The following ATP6V1C1 variants were observed in gnomAD, a reference collection of about 807,000 sequenced individuals.
The protein encoded by ATP6V1C1 is V-type proton ATPase subunit C 1.
ATP6V1C1 carries 45 observed loss-of-function variants against 53.9 expected under a neutral mutation model. The observed-to-expected ratio is 0.83, with a 90% confidence interval of 0.66 to 1.07. ATP6V1C1 has a LOEUF of 1.07. ATP6V1C1 is among the 50% of genes least tolerant of loss of function. The probability of loss-of-function intolerance (pLI) is 0.00; values close to 1 mark genes in which losing one functional copy is unlikely to be tolerated. For synonymous variants in ATP6V1C1, 153 were observed against 155.2 expected, an observed-to-expected ratio of 0.99 and a Z score of 0.11; for missense variants, 315 against 440.3, an observed-to-expected ratio of 0.72 and a Z score of 2.55.
intron 11 of ATP6V1C1, among the ~76,000 whole-genome samples, chr8:103,065,689 A>G (rs1347278074): frequency 2.6e-5 from 4 of 152,252 alleles, no homozygotes; most frequent in African/African-American, 9.6e-5. Flanking sequence ...CTATTACCAT[A>G]AAAGTATCTG....
intron 1 of ATP6V1C1, among the ~76,000 whole-genome samples, chr8:103,031,232 A>G (rs1004326136): frequency 5.3e-5 from 8 of 152,244 alleles, no homozygotes; most frequent in African/African-American, 1.9e-4. Context: ...TTCACTGGTG[A>G]GAAGAATAAC....
intron 1 of ATP6V1C1, among the ~76,000 whole-genome samples, chr8:103,031,701 G>T (rs1006726665): frequency 6.6e-6 from 1 of 152,132 alleles, no homozygotes; most frequent in African/African-American, 2.4e-5. Context: ...ATCTGGGGAG[G>T]ACAGACATCC....
At position 103,024,143 on chromosome 8, in the gene ATP6V1C1, C is replaced by T. The variant is rs139843053; in HGVS notation, c.-40+2918C>T. Among the ~76,000 whole-genome samples the T allele has an allele frequency of 7.3e-3, 1,117 of 152,284 alleles. 19 individuals carry two copies. Among genetic ancestry groups the T allele is most frequent in the African/African-American group, 0.026 (1,072 of 41,544 alleles). On this transcript the variant is annotated intron_variant, in intron 1 of 12. Transcript: ENST00000518738. ...TCTCAAATTATGCTGAAGACTGAGC[C>T]TCAGGGTTCTGTCTCAGAAGTCCTG...
At chr8:103,031,203 A>G (rs1366210151) in intron 1 of ATP6V1C1, among the ~76,000 whole-genome samples, 1 of 152,242 alleles carries the variant, frequency 6.6e-6, no homozygotes, top group Non-Finnish European at 1.5e-5. Flanking sequence ...AAGCAGAAAA[A>G]TACATAAGAA....
chr8:103,066,479 T>C (rs768998198), intron 12 of ATP6V1C1, 32 bp downstream of exon 12: 5 of 1,505,276 alleles, frequency 3.3e-6, no homozygotes, highest in Admixed American at 4.8e-5. Context: ...AGAGTAAGAA[T>C]TGAAGTGAAT....
At chr8:103,049,726 C>T (rs2454047) in intron 4 of ATP6V1C1, among the ~76,000 whole-genome samples, 5,739 of 152,206 alleles carry the variant, frequency 0.038, 119 homozygotes, top group East Asian at 0.046. Flanking sequence ...CTCTTGAGTG[C>T]AGGAGTTCAA....
chr8:103,056,060 T>G (rs1233524479), intron 8 of ATP6V1C1, 124 bp downstream of exon 8: 1 of 828,236 alleles, frequency 1.2e-6, no homozygotes, highest in East Asian at 3.0e-5. Flanking sequence ...GTGAGTTCTA[T>G]GAACTCTAGT....
intron 7 of ATP6V1C1, among the ~76,000 whole-genome samples, chr8:103,055,203 G>A (rs1817268966): frequency 6.6e-6 from 1 of 151,928 alleles, no homozygotes; most frequent in South Asian, 2.1e-4. Flanking sequence ...TTAAAACTTG[G>A]GTTCAAAACC....
chr8:103,064,520 A>G (rs926128199), intron 10 of ATP6V1C1, 194 bp from the exon 11 acceptor site: 2 of 458,268 alleles, frequency 4.4e-6, no homozygotes, highest in African/African-American at 4.0e-5. Context: ...ATCTCTCTGT[A>G]GTGGCGAACC....
intron 4 of ATP6V1C1, among the ~76,000 whole-genome samples, chr8:103,050,208 G>A (rs555376766): frequency 2.4e-4 from 36 of 152,186 alleles, no homozygotes; most frequent in Non-Finnish European, 5.1e-4. Flanking sequence ...GAGAAACAAC[G>A]AAGGTATGTT....
At chr8:103,040,001 C>G (rs2131388234) in intron 1 of ATP6V1C1, among the ~76,000 whole-genome samples, 1 of 152,156 alleles carries the variant, frequency 6.6e-6, no homozygotes, top group South Asian at 2.1e-4. Context: ...TAGAATTAAC[C>G]ACCAAATTTA....
intron 1 of ATP6V1C1, among the ~76,000 whole-genome samples, chr8:103,022,732 G>C (rs1816620060): frequency 6.6e-6 from 1 of 152,108 alleles, no homozygotes; most frequent in Non-Finnish European, 1.5e-5. Flanking sequence ...AGACTGAAAA[G>C]GGAATGTGAA....
chr8:103,059,754 C>T (rs1394869595), intron 8 of ATP6V1C1, among the ~76,000 whole-genome samples: 2 of 151,826 alleles, frequency 1.3e-5, no homozygotes, highest in African/African-American at 4.8e-5. Flanking sequence ...TAGCTGGTCT[C>T]CTTTTCTCCT....
At chr8:103,042,482 T>C in intron 3 of ATP6V1C1, 75 bp downstream of exon 3, 1 of 1,420,642 alleles carries the variant, frequency 7.0e-7, no homozygotes. Flanking sequence ...CTGGGTTTAT[T>C]ATCACATGTA....
intron 4 of ATP6V1C1, 39 bp from the exon 5 acceptor site, chr8:103,051,010 AT>A (rs1817191230): frequency 7.2e-7 from 1 of 1,381,374 alleles, no homozygotes; most frequent in South Asian, 1.2e-5. Flanking sequence ...GAACAATTCT[AT>A]TGTTTTTCTT....
At chr8:103,043,812 T>G (rs529712195) in intron 3 of ATP6V1C1, among the ~76,000 whole-genome samples, 1 of 152,226 alleles carries the variant, frequency 6.6e-6, no homozygotes, top group Non-Finnish European at 1.5e-5. Context: ...AAGTTCTTTA[T>G]ACAGAATATG....
At chr8:103,024,677 A>G (rs1451492295) in intron 1 of ATP6V1C1, among the ~76,000 whole-genome samples, 2 of 152,188 alleles carry the variant, frequency 1.3e-5, no homozygotes, top group African/African-American at 4.8e-5. Flanking sequence ...TTTTTCATCA[A>G]TTTTTAAAGA....
intron 6 of ATP6V1C1, among the ~76,000 whole-genome samples, chr8:103,053,591 T>C (rs1400437262): frequency 2.6e-5 from 4 of 151,904 alleles, no homozygotes; most frequent in Admixed American, 2.0e-4. Flanking sequence ...ATCTAATGAG[T>C]AGATAGTTTT....
chr8:103,068,761 C>T lies in ATP6V1C1; in HGVS notation c.*14C>T. The T allele has an allele frequency of 6.3e-7, 1 of 1,592,248 alleles. No homozygotes were observed. The highest frequency in any genetic ancestry group is 8.6e-7 in the Non-Finnish European group (1 of 1,163,348). On this transcript the variant is annotated 3_prime_UTR_variant, in exon 13 of 13. Transcript: ENST00000518738. ...GAATTCAAGTGAAAATGGGCTCCTC[C>T]CCCGACAATCCTGTCCTTGTGTTTG...
Sources: allele counts gnomAD v4.1 joint callset (sites outside exome capture counted in the v4.1 genomes callset), GRCh38; gene constraint gnomAD v4.1.1; transcripts MANE v1.5; gene names NCBI Gene and HGNC (gene_info 2026-07-23, HGNC 2026-07-21).